ATRNL1: variants seen among roughly 807,000 people sequenced by gnomAD.
The protein encoded by ATRNL1 is attractin-like protein 1.
Under a neutral mutation model 182.7 loss-of-function variants are expected in ATRNL1, and 95 were observed. The ratio of observed to expected loss-of-function variants is 0.52; its 90% CI spans 0.44 to 0.62. ATRNL1 has a LOEUF of 0.62. ATRNL1 is among the 20% of genes least tolerant of loss of function. ATRNL1 has a pLI of 0.00. For synonymous variants in ATRNL1, 576 were observed against 568.3 expected, an observed-to-expected ratio of 1.01 and a Z score of -0.19; for missense variants, 1,471 against 1,679.5, an observed-to-expected ratio of 0.88 and a Z score of 2.17.
chr10:115,713,705 C>CTATTATCT (rs1555055340), intron 26 of ATRNL1, among the ~76,000 whole-genome samples: 4 of 101,226 alleles, frequency 4.0e-5, no homozygotes, highest in African/African-American at 1.4e-4. Flanking sequence ...ATCTATCTAT[C>CTATTATCT]ATCTATCTAT....
chr10:115,940,633 T>TA (rs1319252007), intron 28 of ATRNL1, among the ~76,000 whole-genome samples: 5 of 151,968 alleles, frequency 3.3e-5, no homozygotes, highest in Non-Finnish European at 7.4e-5. Flanking sequence ...TTAGATTCCT[T>TA]ACAATAACAA....
At chr10:115,791,531 G>A (rs540912296) in intron 27 of ATRNL1, among the ~76,000 whole-genome samples, 1 of 152,164 alleles carries the variant, frequency 6.6e-6, no homozygotes, top group East Asian at 1.9e-4. Context: ...TATCAATTAT[G>A]TATATTTGTG....
chr10:115,940,437 A>G (rs1953692540), intron 28 of ATRNL1, among the ~76,000 whole-genome samples: 1 of 152,208 alleles, frequency 6.6e-6, no homozygotes, highest in South Asian at 2.1e-4. Flanking sequence ...TGCAGATTAT[A>G]GCTCGGTTTC....
At chr10:115,256,010 T>C (rs1851112384) in intron 10 of ATRNL1, among the ~76,000 whole-genome samples, 1 of 152,180 alleles carries the variant, frequency 6.6e-6, no homozygotes, top group Admixed American at 6.5e-5. Context: ...GTGGATAAGC[T>C]TTTTGATGTG....
At chr10:115,675,115 C>T (rs1293163316) in intron 26 of ATRNL1, among the ~76,000 whole-genome samples, 2 of 152,108 alleles carry the variant, frequency 1.3e-5, no homozygotes, top group Non-Finnish European at 2.9e-5. Context: ...CACATGGTGG[C>T]TCATGCCTGT....
chr10:115,844,477 T>G (rs144232166), intron 27 of ATRNL1, among the ~76,000 whole-genome samples: 1 of 152,220 alleles, frequency 6.6e-6, no homozygotes, highest in Non-Finnish European at 1.5e-5. Context: ...GAACTATACC[T>G]TGAAAATCTT....
chr10:115,809,665 C>G (rs1384039105), intron 27 of ATRNL1, among the ~76,000 whole-genome samples: 1 of 151,940 alleles, frequency 6.6e-6, no homozygotes, highest in Non-Finnish European at 1.5e-5. Context: ...CATTGCAACA[C>G]TCAAGTTATT....
intron 19 of ATRNL1, among the ~76,000 whole-genome samples, chr10:115,388,923 A>G (rs1554953404): frequency 6.6e-6 from 1 of 152,122 alleles, no homozygotes; most frequent in Non-Finnish European, 1.5e-5. Flanking sequence ...AAACTAAGCT[A>G]ATTATTTTTG....
chr10:115,124,861 T>A (rs923024107), intron 3 of ATRNL1, among the ~76,000 whole-genome samples: 6 of 152,164 alleles, frequency 3.9e-5, no homozygotes, highest in Non-Finnish European at 7.3e-5. Flanking sequence ...TATGCAGTAG[T>A]CATGCATTAG....
At chr10:115,723,290 T>C (rs1197232315) in intron 26 of ATRNL1, among the ~76,000 whole-genome samples, 1 of 152,130 alleles carries the variant, frequency 6.6e-6, no homozygotes, top group Non-Finnish European at 1.5e-5. Flanking sequence ...ATGAAGACAA[T>C]TGCAGGCAGA....
intron 27 of ATRNL1, among the ~76,000 whole-genome samples, chr10:115,800,739 G>A (rs962660151): frequency 9.9e-5 from 15 of 152,182 alleles, no homozygotes; most frequent in Non-Finnish European, 2.1e-4. Flanking sequence ...TCATGAGGGT[G>A]AGTTTTCTCT....
At chr10:115,380,656 T>C (rs577372472) in intron 19 of ATRNL1, among the ~76,000 whole-genome samples, 13 of 152,346 alleles carry the variant, frequency 8.5e-5, no homozygotes, top group Non-Finnish European at 2.9e-5. Context: ...ACTGACTTTT[T>C]TCATGTAGTG....
chr10:115,690,849 G>A (rs58970050), intron 26 of ATRNL1, among the ~76,000 whole-genome samples: 65 of 152,226 alleles, frequency 4.3e-4, no homozygotes, highest in African/African-American at 1.4e-3. Flanking sequence ...CACTCCCTAT[G>A]CTAGCGTCAG....
intron 24 of ATRNL1, 123 bp downstream of exon 24, chr10:115,469,452 C>A: frequency 1.9e-6 from 1 of 540,148 alleles, no homozygotes. Flanking sequence ...CATGCATTGA[C>A]CTTTGATAAA....
At chr10:115,231,213 T>A (rs1554899946) in intron 9 of ATRNL1, among the ~76,000 whole-genome samples, 1 of 152,028 alleles carries the variant, frequency 6.6e-6, no homozygotes, top group African/African-American at 2.4e-5. Flanking sequence ...GTTAATGAGT[T>A]AGGAGGAAAA....
intron 24 of ATRNL1, among the ~76,000 whole-genome samples, chr10:115,497,798 G>A (rs1849626462): frequency 6.6e-6 from 1 of 151,742 alleles, no homozygotes; most frequent in Non-Finnish European, 1.5e-5. Context: ...GCTGTGATTA[G>A]GGGCATGTGC....
chr10:115,332,577 A>G (rs1205369478), intron 18 of ATRNL1, among the ~76,000 whole-genome samples: 1 of 152,220 alleles, frequency 6.6e-6, no homozygotes, highest in East Asian at 1.9e-4. Flanking sequence ...TAAAAACATT[A>G]TAATTATTCT....
At chr10:115,368,994 A>G (rs1857236179) in intron 19 of ATRNL1, among the ~76,000 whole-genome samples, 3 of 152,006 alleles carry the variant, frequency 2.0e-5, no homozygotes, top group Admixed American at 2.0e-4. Context: ...GATTACATGC[A>G]TAAGCCACTG....
intron 26 of ATRNL1, among the ~76,000 whole-genome samples, chr10:115,654,368 G>A (rs900228351): frequency 1.8e-4 from 27 of 151,598 alleles, no homozygotes; most frequent in African/African-American, 4.6e-4. Flanking sequence ...TAAGGCACCC[G>A]CCACCACACC....
Sources: allele counts gnomAD v4.1 joint callset (sites outside exome capture counted in the v4.1 genomes callset), GRCh38; gene constraint gnomAD v4.1.1; transcripts MANE v1.5; gene names NCBI Gene and HGNC (gene_info 2026-07-23, HGNC 2026-07-21).